The following TDP2 variants were observed in gnomAD, a reference collection of about 807,000 sequenced individuals.
TDP2 encodes the protein 5'-Tyr-DNA phosphodiesterase.
A neutral mutation model predicts 42.8 loss-of-function variants in TDP2; 38 were observed. The observed-to-expected ratio is 0.89, with a 90% confidence interval of 0.68 to 1.16. The LOEUF (loss-of-function observed/expected upper bound fraction) is 1.16. TDP2 is among the 50% of genes most tolerant of loss of function. The pLI, the probability that TDP2 is intolerant of heterozygous loss-of-function variation, is 0.00. For synonymous variants in TDP2, 173 were observed against 150.6 expected (o/e 1.15, Z -1.09); for missense variants, 439 against 439.3 (o/e 1.00, Z 0.01).
chr6:24,657,186 TAC>T (rs1286522594), intron 4 of TDP2, among the ~76,000 whole-genome samples: 6 of 152,238 alleles, frequency 3.9e-5, no homozygotes, highest in Middle Eastern at 3.4e-3. Flanking sequence ...AGGTTGAAAA[TAC>T]AGTCTTCCCA....
intron 4 of TDP2, among the ~76,000 whole-genome samples, chr6:24,656,227 A>C (rs956650746): frequency 6.6e-6 from 1 of 152,210 alleles, no homozygotes; most frequent in African/African-American, 2.4e-5. Context: ...TAGGAAATTA[A>C]AATAATGCTA....
Position 24,650,820 on chromosome 6 carries a change from C to T in TDP2, c.1057G>A (p.Gly353Ser). The T allele has an allele frequency of 6.2e-7, 1 of 1,614,014 alleles. No individual in the cohort carries two copies. Among genetic ancestry groups the T allele is most frequent in the Non-Finnish European group, 8.5e-7 (1 of 1,179,974 alleles). ...ATTATATCTAAGTTGCACAGAAGACCCCAGTGATCACTAGGAAATCTACCA... is the reference window on the plus strand; with the variant it reads ...ATTATATCTAAGTTGCACAGAAGACTCCAGTGATCACTAGGAAATCTACCA... ...DCGRFPSDHW[G>S]LLCNLDIIL The change falls in exon 7 of 7, where the codon GGT becomes AGT. Residue 353 changes from glycine to serine, a missense_variant. Coordinates refer to ENST00000378198, the MANE Select transcript of TDP2 (RefSeq NM_016614.3).
intron 2 of TDP2, among the ~76,000 whole-genome samples, chr6:24,663,286 T>C (rs1363230667): frequency 1.3e-5 from 2 of 151,978 alleles, no homozygotes; most frequent in East Asian, 1.9e-4. Flanking sequence ...ACACAGTTAC[T>C]AAATAGCACA....
chr6:24,652,972 T>C lies in TDP2; in HGVS notation c.807+11A>G. On this transcript the variant is annotated intron_variant, in intron 6 of 6. Coordinates refer to ENST00000378198, the MANE Select transcript of TDP2 (RefSeq NM_016614.3). ...TCTGTCCTCAAACATCAAACTGACT[T>C]TGTCACTCACCTCTCGATCCCTTAG... 1 of 1,611,660 alleles carries C rather than the reference T, an allele frequency of 6.2e-7. No individual in the cohort carries two copies. Among genetic ancestry groups the C allele is most frequent in the Non-Finnish European group, 8.5e-7 (1 of 1,179,972 alleles).
intron 2 of TDP2, chr6:24,666,292 C>G: frequency 6.5e-7 from 1 of 1,531,978 alleles, no homozygotes; most frequent in Non-Finnish European, 8.8e-7. Context: ...CCATCTTTTC[C>G]TCCCTGGACC....
chr6:24,657,765 G>T, intron 4 of TDP2, 47 bp downstream of exon 4: 3 of 1,108,588 alleles, frequency 2.7e-6, no homozygotes, highest in Non-Finnish European at 4.0e-6. Context: ...CTCTTTCACT[G>T]ATCTGTTTTT....
intron 5 of TDP2, 119 bp from the exon 6 acceptor site, chr6:24,653,272 A>T: frequency 9.9e-7 from 1 of 1,007,718 alleles, no homozygotes; most frequent in Admixed American, 2.0e-5. Context: ...AAACTGTAAA[A>T]TCAGCACTAT....
intron 4 of TDP2, among the ~76,000 whole-genome samples, 154 bp downstream of exon 4, chr6:24,657,658 A>G (rs545191357): frequency 7.2e-5 from 11 of 152,264 alleles, no homozygotes; most frequent in African/African-American, 2.4e-4. Flanking sequence ...ATATTCTCCT[A>G]TAATTCTTGT....
intron 3 of TDP2, among the ~76,000 whole-genome samples, 157 bp downstream of exon 3, chr6:24,658,404 C>T (rs1195342313): frequency 6.6e-6 from 1 of 152,238 alleles, no homozygotes; most frequent in Non-Finnish European, 1.5e-5. Context: ...CTGCAGCCTG[C>T]AATCCTGCTC....
intron 3 of TDP2, among the ~76,000 whole-genome samples, chr6:24,658,354 T>C (rs575723128): frequency 6.6e-6 from 1 of 152,224 alleles, no homozygotes; most frequent in Non-Finnish European, 1.5e-5. Context: ...AAGAAAACAG[T>C]ACTAAAAGGC....
chr6:24,654,463 C>T lies in TDP2; in HGVS notation c.585G>A (p.Glu195=). 1 of 1,589,962 alleles carries T rather than the reference C, an allele frequency of 6.3e-7. No homozygotes were observed. Among genetic ancestry groups the T allele is most frequent in the Non-Finnish European group, 8.6e-7 (1 of 1,165,290 alleles). ...TTTTGGTACTTGGAAAAGGAATAAT[C>T]TCTTGGCTTTTTAATTTCACTCTTG... ...KKSRVKLKSQ[E]IIPFPSTKMM... The change falls in exon 5 of 7, where the codon GAG becomes GAA. Residue 195 remains glutamate, a synonymous_variant. Coordinates refer to ENST00000378198, the MANE Select transcript of TDP2 (RefSeq NM_016614.3).
chr6:24,657,747 T>C, intron 4 of TDP2, 65 bp downstream of exon 4: 1 of 942,732 alleles, frequency 1.1e-6, no homozygotes, highest in South Asian at 1.7e-5. Flanking sequence ...AGACCAACTT[T>C]GATTTATCTC....
intron 5 of TDP2, among the ~76,000 whole-genome samples, chr6:24,653,855 G>T (rs753796548): frequency 6.6e-6 from 1 of 152,080 alleles, no homozygotes; most frequent in Non-Finnish European, 1.5e-5. Context: ...GCTCATGGTG[G>T]TTTCTCTACT....
Position 24,653,004 on chromosome 6 carries a change from A to G in TDP2, c.786T>C (p.Asp262=), listed in dbSNP as rs1777997859. The change falls in exon 6 of 7, where the codon GAT becomes GAC. Residue 262 remains aspartate, a synonymous_variant. Transcript: ENST00000378198. ...PESATVIFAG[D]TNLRDREVTR... is the part of the protein sequence containing the mutation. ...TCACCTCTCGATCCCTTAGATTTGT[A>G]TCTCCTGCAAATATAACTGTAGCTG... 1 of 1,613,616 alleles carries G rather than the reference A, an allele frequency of 6.2e-7. No individual in the cohort carries two copies.
At chr6:24,658,012 C>A in intron 3 of TDP2, 109 bp from the exon 4 acceptor site, 1 of 655,512 alleles carries the variant, frequency 1.5e-6, no homozygotes, top group Non-Finnish European at 2.6e-6. Flanking sequence ...CCCTCTAGGG[C>A]ACCTAATATT....
At chr6:24,666,354 G>C in intron 2 of TDP2, 172 bp downstream of exon 2, 1 of 1,458,636 alleles carries the variant, frequency 6.9e-7, no homozygotes, top group Non-Finnish European at 9.3e-7. Flanking sequence ...CCGCTGCTGG[G>C]GCGCAACTCC....
At chr6:24,663,921 A>G (rs1278775323) in intron 2 of TDP2, among the ~76,000 whole-genome samples, 1 of 152,264 alleles carries the variant, frequency 6.6e-6, no homozygotes, top group Non-Finnish European at 1.5e-5. Context: ...AGCAAGAAAA[A>G]CCAGGCAACT....
At chr6:24,654,269 G>C (rs1269794534) in intron 5 of TDP2, 143 bp downstream of exon 5, 2 of 432,532 alleles carry the variant, frequency 4.6e-6, no homozygotes, top group Non-Finnish European at 8.1e-6. Flanking sequence ...ATTAATTTTA[G>C]AGAGTGTTAA....
intron 4 of TDP2, among the ~76,000 whole-genome samples, chr6:24,655,400 C>T (rs1322212027): frequency 6.6e-6 from 1 of 152,068 alleles, no homozygotes; most frequent in Admixed American, 6.5e-5. Flanking sequence ...AGACAGGAAG[C>T]AAGCAGATTT....
Sources: gnomAD v4.1 joint callset for allele counts (sites outside exome capture counted in the v4.1 genomes callset) on GRCh38, gnomAD v4.1.1 for gene constraint, MANE v1.5 for transcripts, NCBI Gene and HGNC (gene_info 2026-07-23, HGNC 2026-07-21) for gene names.